RIMS2: variants seen among roughly 807,000 people sequenced by gnomAD.
RIMS2 encodes the protein regulating synaptic membrane exocytosis protein 2.
RIMS2 carries 59 observed loss-of-function variants against 174.4 expected under a neutral mutation model. The ratio of observed to expected loss-of-function variants is 0.34; its 90% confidence interval spans 0.27 to 0.42. The LOEUF is 0.42. Ranked by LOEUF, RIMS2 falls within the 10% of genes least tolerant of loss-of-function variation. The pLI is 1.00. For missense variants in RIMS2, 1,620 were observed against 1,666.3 expected, an observed-to-expected ratio of 0.97 and a Z score of 0.48; for synonymous variants, 606 against 572.5, an observed-to-expected ratio of 1.06 and a Z score of -0.84.
At chr8:104,124,661 T>C (rs535856309) in intron 19 of RIMS2, among the ~76,000 whole-genome samples, 2 of 152,314 alleles carry the variant, frequency 1.3e-5, no homozygotes, top group African/African-American at 4.8e-5. Context: ...TTCTAATTAA[T>C]TTAGAAATTG....
chr8:103,621,229 C>G (rs895606493), intron 1 of RIMS2, among the ~76,000 whole-genome samples: 3 of 152,190 alleles, frequency 2.0e-5, no homozygotes, highest in Non-Finnish European at 2.9e-5. Context: ...GGTACACCCA[C>G]CAGCAGTTTT....
intron 16 of RIMS2, chr8:103,976,885 T>A (rs2093492458): frequency 6.6e-6 from 1 of 152,216 alleles, no homozygotes; most frequent in African/African-American, 2.4e-5. Context: ...AATCTGCAGC[T>A]ACAGGTCTTA....
At chr8:103,987,978 G>T (rs992153495) in intron 16 of RIMS2, among the ~76,000 whole-genome samples, 1 of 152,048 alleles carries the variant, frequency 6.6e-6, no homozygotes, top group Admixed American at 6.6e-5. Flanking sequence ...CTATAATAAA[G>T]ATATCAATTT....
At chr8:103,672,991 G>A (rs901947920) in intron 1 of RIMS2, among the ~76,000 whole-genome samples, 1 of 152,140 alleles carries the variant, frequency 6.6e-6, no homozygotes, top group African/African-American at 2.4e-5. Context: ...TATCCCAAAA[G>A]GTAGAAATTG....
chr8:103,697,248 A>G (rs766216776), exon 2 of RIMS2: 2 of 1,613,832 alleles, frequency 1.2e-6, no homozygotes, highest in Non-Finnish European at 1.7e-6. Context: ...ATTGCCAAAC[A>G]AAGTTCTGTG....
rs534227332 is a variant in RIMS2, at chr8:103,683,284, G to A, written c.177-13802G>A. ...TCCACTCTAACAGAAAACTGAACGC[G>A]AGTGGGCAGGTGTGAAGAGATAACA... On this transcript the variant is annotated intron_variant, in intron 1 of 23. Coordinates refer to ENST00000504942, the Ensembl canonical transcript of RIMS2. Among the ~76,000 whole-genome samples the A allele has an allele frequency of 7.4e-4, 113 of 152,302 alleles. 1 individual carries two copies. The highest frequency in any genetic ancestry group is 2.4e-3 in the African/African-American group (100 of 41,572).
At chr8:104,050,800 A>G (rs2096773210) in intron 19 of RIMS2, among the ~76,000 whole-genome samples, 1 of 152,218 alleles carries the variant, frequency 6.6e-6, no homozygotes, top group African/African-American at 2.4e-5. Flanking sequence ...CAAGTTTGTG[A>G]TCAAATATTT....
At chr8:104,060,257 T>C (rs1007775491) in intron 19 of RIMS2, among the ~76,000 whole-genome samples, 32 of 150,846 alleles carry the variant, frequency 2.1e-4, no homozygotes, top group African/African-American at 7.8e-4. Context: ...AGCCTGTTAT[T>C]GGTCTATTCA....
intron 4 of RIMS2, among the ~76,000 whole-genome samples, chr8:103,890,748 T>G (rs2099239308): frequency 6.6e-6 from 1 of 152,032 alleles, no homozygotes; most frequent in South Asian, 2.1e-4. Context: ...GCTAATGTCA[T>G]AGTATTTCTG....
chr8:103,533,557 G>A (rs1020061579), intron 1 of RIMS2, among the ~76,000 whole-genome samples: 3 of 151,082 alleles, frequency 2.0e-5, no homozygotes, highest in African/African-American at 7.3e-5. Context: ...TAAAACATGG[G>A]AGGCTGAGGC....
chr8:103,536,525 A>G (rs1371036490), intron 1 of RIMS2, among the ~76,000 whole-genome samples: 3 of 152,164 alleles, frequency 2.0e-5, no homozygotes, highest in African/African-American at 7.2e-5. Context: ...ATGGTTCCTC[A>G]GGCTGTACAG....
chr8:103,976,887 C>T (rs1430770241), intron 16 of RIMS2: 1 of 152,116 alleles, frequency 6.6e-6, no homozygotes, highest in African/African-American at 2.4e-5. Flanking sequence ...TCTGCAGCTA[C>T]AGGTCTTAAG....
rs1217582965 is a variant in RIMS2 at position 104,007,161 on chromosome 8, A to G, written c.3045-6281A>G. On this transcript the variant is annotated intron_variant, in intron 17 of 23. Coordinates refer to ENST00000504942, the Ensembl canonical transcript of RIMS2. Reference sequence around the variant, plus strand: ...TCCTTCTATCACTAACATTGTTTGTATGCTTCTGAATATTATGTATGTTCT... The same window carrying G: ...TCCTTCTATCACTAACATTGTTTGTGTGCTTCTGAATATTATGTATGTTCT... 2.0e-5 allele frequency among the ~76,000 whole-genome samples: 3 copies of G among 152,176 alleles called. No homozygotes were observed. The East Asian group carries it at 5.8e-4, about 29-fold the overall frequency.
chr8:103,790,198 T>G (rs372042791), intron 3 of RIMS2, among the ~76,000 whole-genome samples: 12 of 152,368 alleles, frequency 7.9e-5, no homozygotes, highest in African/African-American at 2.9e-4. Flanking sequence ...ATTACGACTA[T>G]CTAATTCCAG....
At chr8:103,701,365 T>A (rs1315485290) in intron 2 of RIMS2, among the ~76,000 whole-genome samples, 1 of 152,158 alleles carries the variant, frequency 6.6e-6, no homozygotes, top group Non-Finnish European at 1.5e-5. Flanking sequence ...CAATGTGTAA[T>A]GATTAAATCT....
At chr8:103,779,669 C>T (rs183105195) in intron 3 of RIMS2, among the ~76,000 whole-genome samples, 29 of 146,574 alleles carry the variant, frequency 2.0e-4, no homozygotes, top group African/African-American at 5.8e-4. Flanking sequence ...AACCAAACAC[C>T]GCATGTTCTC....
intron 19 of RIMS2, among the ~76,000 whole-genome samples, chr8:104,184,177 C>G (rs928518877): frequency 1.3e-5 from 2 of 151,552 alleles, no homozygotes; most frequent in Non-Finnish European, 3.0e-5. Context: ...AACAGGTCAT[C>G]TACATGACCA....
intron 1 of RIMS2, among the ~76,000 whole-genome samples, chr8:103,513,606 G>C (rs1337421493): frequency 1.3e-5 from 2 of 152,170 alleles, no homozygotes; most frequent in African/African-American, 4.8e-5. Flanking sequence ...TTTTGGCCCA[G>C]ACTTACACAA....
chr8:103,811,072 A>C (rs2154463103), intron 3 of RIMS2, among the ~76,000 whole-genome samples: 1 of 152,158 alleles, frequency 6.6e-6, no homozygotes, highest in South Asian at 2.1e-4. Flanking sequence ...TTTAGGTGTG[A>C]GTTCTTGAAG....
Sources: gnomAD v4.1 joint callset for allele counts (sites outside exome capture counted in the v4.1 genomes callset) on GRCh38, gnomAD v4.1.1 for gene constraint, MANE v1.5 for transcripts, NCBI Gene and HGNC (gene_info 2026-07-23, HGNC 2026-07-21) for gene names.